The following SIL1 variants were observed in gnomAD, a reference collection of about 807,000 sequenced individuals.
The protein encoded by SIL1 is SIL1 nucleotide exchange factor, also known as nucleotide exchange factor SIL1.
In SIL1, 40 loss-of-function variants were observed where a neutral mutation model predicts 49.1. The ratio of observed to expected loss-of-function variants is 0.81; its 90% CI spans 0.63 to 1.06. SIL1 has a LOEUF of 1.06. Among genes scored for constraint, SIL1 ranks in the 50% least tolerant of loss-of-function variants. The pLI is 0.00. For missense variants in SIL1, 500 were observed against 572.6 expected (o/e 0.87, Z 1.29); for synonymous variants, 253 against 250.8 (o/e 1.01, Z -0.08).
At chr5:139,156,242 G>A (rs1338105360) in intron 1 of SIL1, among the ~76,000 whole-genome samples, 1 of 152,136 alleles carries the variant, frequency 6.6e-6, no homozygotes, top group Non-Finnish European at 1.5e-5. Flanking sequence ...TGGCAATTTA[G>A]TACAGAATAT....
intron 1 of SIL1, among the ~76,000 whole-genome samples, chr5:139,151,337 G>C (rs1382419755): frequency 2.0e-5 from 3 of 152,174 alleles, no homozygotes; most frequent in Non-Finnish European, 4.4e-5. Context: ...ACTAGTGCAA[G>C]GTGCTGGGAA....
At chr5:139,081,888 A>AT (rs1362618824) in intron 3 of SIL1, among the ~76,000 whole-genome samples, 2 of 152,066 alleles carry the variant, frequency 1.3e-5, no homozygotes, top group African/African-American at 2.4e-5. Flanking sequence ...TAAAAAAAAA[A>AT]AACAAAAAAA....
Position 139,011,234 on chromosome 5 carries a change from G to A in SIL1, c.767+9937C>T, listed in dbSNP as rs1360179029. 8.9e-4 allele frequency among the ~76,000 whole-genome samples: 135 copies of A among 151,500 alleles called. 1 individual carries two copies. The highest frequency in any genetic ancestry group is 3.1e-3 in the African/African-American group (126 of 41,304). On this transcript the variant is annotated intron_variant, in intron 7 of 9. Transcript: ENST00000394817. ...GGGAGTGACCCGATTTTCCAGGTGC[G>A]TCCGTCACCCCTTTCTTTGACTCGG...
chr5:139,007,277 A>G (rs1434963413), intron 7 of SIL1, among the ~76,000 whole-genome samples: 3 of 119,272 alleles, frequency 2.5e-5, no homozygotes, highest in South Asian at 2.9e-4. Context: ...TTGTTGGTGT[A>G]TAAGAATGCT....
chr5:139,026,525 C>A (rs2150432913), intron 6 of SIL1, among the ~76,000 whole-genome samples: 1 of 152,298 alleles, frequency 6.6e-6, no homozygotes, highest in East Asian at 1.9e-4. Flanking sequence ...ATAGCTTGAA[C>A]CCAGGAGGTG....
chr5:139,082,467 T>C (rs910273553), intron 3 of SIL1, among the ~76,000 whole-genome samples: 7 of 152,196 alleles, frequency 4.6e-5, no homozygotes, highest in African/African-American at 1.4e-4. Context: ...TCTCTCCCCA[T>C]GTGCTACAAG....
intron 3 of SIL1, among the ~76,000 whole-genome samples, chr5:139,084,521 A>G (rs954733800): frequency 9.5e-6 from 1 of 104,842 alleles, no homozygotes; most frequent in African/African-American, 3.7e-5. Flanking sequence ...ATTCTCAGTA[A>G]ACTATCGCAA....
chr5:138,974,417 G>T (rs991621633), intron 7 of SIL1, among the ~76,000 whole-genome samples: 1 of 152,208 alleles, frequency 6.6e-6, no homozygotes, highest in African/African-American at 2.4e-5. Context: ...CTGTGCAACT[G>T]AGAACAACAG....
intron 1 of SIL1, among the ~76,000 whole-genome samples, chr5:139,195,555 T>G (rs1032476544): frequency 5.3e-5 from 8 of 151,880 alleles, no homozygotes; most frequent in African/African-American, 1.9e-4. Context: ...GCCCGGGTAA[T>G]TTTTTGTATT....
chr5:139,098,638 T>C (rs1433372069), intron 3 of SIL1, among the ~76,000 whole-genome samples: 7 of 151,738 alleles, frequency 4.6e-5, no homozygotes, highest in Non-Finnish European at 8.8e-5. Flanking sequence ...AAGGAAACAA[T>C]CGACAAGGTG....
chr5:138,976,713 C>T (rs1220920828), intron 7 of SIL1, among the ~76,000 whole-genome samples: 2 of 152,024 alleles, frequency 1.3e-5, no homozygotes, highest in Non-Finnish European at 2.9e-5. Context: ...ATTAGGAGTT[C>T]GTCTCTATAA....
intron 1 of SIL1, chr5:139,137,189 T>C (rs1470078275): frequency 3.4e-6 from 2 of 581,052 alleles, no homozygotes; most frequent in African/African-American, 3.8e-5. Context: ...ATAATAATTA[T>C]AGTCAACATT....
At chr5:139,059,811 T>A (rs1769544599) in intron 3 of SIL1, among the ~76,000 whole-genome samples, 1 of 152,244 alleles carries the variant, frequency 6.6e-6, no homozygotes, top group Admixed American at 6.5e-5. Flanking sequence ...TCCAATCTAA[T>A]ACACGGGCTC....
intron 5 of SIL1, among the ~76,000 whole-genome samples, chr5:139,036,834 C>T (rs1231991711): frequency 3.3e-5 from 5 of 151,984 alleles, no homozygotes; most frequent in South Asian, 4.2e-4. Context: ...AACATGTACC[C>T]CTGAACTTAA....
intron 3 of SIL1, among the ~76,000 whole-genome samples, chr5:139,063,574 T>TA (rs1468522106): frequency 6.6e-6 from 1 of 152,224 alleles, no homozygotes; most frequent in Non-Finnish European, 1.5e-5. Flanking sequence ...GAGTCAAAAA[T>TA]ACATTTTTTT....
At chr5:139,024,248 C>T (rs1659497348) in intron 6 of SIL1, among the ~76,000 whole-genome samples, 1 of 152,132 alleles carries the variant, frequency 6.6e-6, no homozygotes, top group African/African-American at 2.4e-5. Context: ...GCAAATAACC[C>T]CTTATATCCT....
chr5:139,133,530 T>C (rs1750911447), intron 1 of SIL1: 1 of 152,156 alleles, frequency 6.6e-6, no homozygotes, highest in Admixed American at 6.5e-5. Flanking sequence ...AACAAAAGAA[T>C]GGGATGAGGA....
intron 3 of SIL1, among the ~76,000 whole-genome samples, chr5:139,072,040 T>C (rs1199073402): frequency 1.3e-5 from 2 of 152,182 alleles, no homozygotes; most frequent in Non-Finnish European, 2.9e-5. Flanking sequence ...AAAAAATACA[T>C]AATTCCTTTT....
intron 1 of SIL1, among the ~76,000 whole-genome samples, chr5:139,182,551 G>A (rs540381019): frequency 2.6e-5 from 4 of 152,224 alleles, no homozygotes; most frequent in Middle Eastern, 3.4e-3. Flanking sequence ...AGCCGTGGAC[G>A]GCAAAGAATA....
Sources: gnomAD v4.1 joint callset for allele counts (sites outside exome capture counted in the v4.1 genomes callset) on GRCh38, gnomAD v4.1.1 for gene constraint, MANE v1.5 for transcripts, NCBI Gene and HGNC (gene_info 2026-07-23, HGNC 2026-07-21) for gene names.